GPC5: variants seen among roughly 807,000 people sequenced by gnomAD.
GPC5 encodes the protein glypican-5.
A neutral mutation model predicts 53.9 loss-of-function variants in GPC5; 47 were observed. The ratio of observed to expected loss-of-function variants is 0.87; its 90% CI spans 0.69 to 1.11. The LOEUF (loss-of-function observed/expected upper bound fraction) is 1.11, where lower values mean the gene tolerates loss of function less well. Among genes scored for constraint, GPC5 ranks in the 50% most tolerant of loss-of-function variants. The probability of loss-of-function intolerance (pLI) is 0.00; values close to 1 mark genes in which losing one functional copy is unlikely to be tolerated. For synonymous variants in GPC5, 286 were observed against 263.3 expected (o/e 1.09, Z -0.84); for missense variants, 748 against 713.1 (o/e 1.05, Z -0.56).
chr13:92,226,340 C>T (rs1005905406), intron 7 of GPC5, among the ~76,000 whole-genome samples: 1 of 152,148 alleles, frequency 6.6e-6, no homozygotes, highest in African/African-American at 2.4e-5. Context: ...AAGAGAACAA[C>T]AATCGTGTGT....
chr13:92,347,882 T>TATAATA (rs1491589093), intron 7 of GPC5, among the ~76,000 whole-genome samples: 2 of 2,336 alleles, frequency 8.6e-4, no homozygotes, highest in South Asian at 0.019. Context: ...ATAATATATA[T>TATAATA]TATATATATT....
chr13:92,595,221 T>C (rs1483050186), intron 7 of GPC5, among the ~76,000 whole-genome samples: 1 of 152,142 alleles, frequency 6.6e-6, no homozygotes, highest in Non-Finnish European at 1.5e-5. Context: ...CCCCCCTTTT[T>C]CAAAGTTTAA....
chr13:92,519,089 A>G (rs1239865842), intron 7 of GPC5, among the ~76,000 whole-genome samples: 1 of 152,246 alleles, frequency 6.6e-6, no homozygotes, highest in Non-Finnish European at 1.5e-5. Flanking sequence ...CTATCTTAAT[A>G]TATATGCACC....
At chr13:92,351,551 GA>G (rs1047617893) in intron 7 of GPC5, among the ~76,000 whole-genome samples, 3 of 151,262 alleles carry the variant, frequency 2.0e-5, no homozygotes, top group African/African-American at 7.3e-5. Context: ...TTGTAATTGA[GA>G]AAAAAAAGTT....
chr13:91,926,359 TAAAAAAAAA>T (rs34690525), intron 6 of GPC5, among the ~76,000 whole-genome samples: 6 of 96,324 alleles, frequency 6.2e-5, no homozygotes, highest in Non-Finnish European at 1.0e-4. Context: ...AGACTCCACC[TAAAAAAAAA>T]AAAAAAAAAA....
chr13:92,283,383 C>G (rs2042930807), intron 7 of GPC5, among the ~76,000 whole-genome samples: 1 of 152,140 alleles, frequency 6.6e-6, no homozygotes, highest in African/African-American at 2.4e-5. Flanking sequence ...AGCTCTGCAC[C>G]AAGGGGACCT....
intron 5 of GPC5, among the ~76,000 whole-genome samples, chr13:91,756,910 G>T (rs1361171622): frequency 6.6e-6 from 1 of 151,776 alleles, no homozygotes; most frequent in Non-Finnish European, 1.5e-5. Context: ...GAGAGAGATT[G>T]AGAAAGAGAG....
chr13:92,781,859 T>C (rs1876034378), intron 7 of GPC5, among the ~76,000 whole-genome samples: 1 of 152,194 alleles, frequency 6.6e-6, no homozygotes, highest in Admixed American at 6.6e-5. Context: ...GCCAGCCAAG[T>C]ATCAGTGAGA....
chr13:92,472,234 T>C (rs1878941707), intron 7 of GPC5, among the ~76,000 whole-genome samples: 1 of 152,084 alleles, frequency 6.6e-6, no homozygotes, highest in South Asian at 2.1e-4. Flanking sequence ...AATAATACCA[T>C]CTTAATCTTT....
chr13:91,896,592 G>A lies in GPC5; in HGVS notation c.1281-11345G>A, dbSNP rs184479923. Among the ~76,000 whole-genome samples the A allele has an allele frequency of 5.1e-3, 771 of 152,250 alleles. 6 individuals carry two copies. The highest frequency in any genetic ancestry group is 0.016 in the African/African-American group (685 of 41,570). ...AAAGGACTGAGAAAGGAGAACGGGG[G>A]AAGTATGAAGGATGAAGGGGAGATT... On this transcript the variant is annotated intron_variant, in intron 5 of 7. Transcript: ENST00000377067.
At chr13:91,756,267 T>C (rs769174130) in intron 4 of GPC5, 28 bp from the exon 5 acceptor site, 6 of 1,465,268 alleles carry the variant, frequency 4.1e-6, no homozygotes, top group Non-Finnish European at 5.5e-6. Flanking sequence ...TGTTTGGTTT[T>C]AATTGTTTTC....
chr13:92,345,786 T>C (rs2043406326), intron 7 of GPC5, among the ~76,000 whole-genome samples: 2 of 151,994 alleles, frequency 1.3e-5, no homozygotes, highest in African/African-American at 4.8e-5. Flanking sequence ...CCCACTTCAG[T>C]CTCAACTCAT....
In GPC5 at chr13:92,474,609, G is replaced by C. The variant is rs9589556; in HGVS notation, c.1561+329620G>C. On this transcript the variant is annotated intron_variant, in intron 7 of 7. Coordinates refer to ENST00000377067, the MANE Select transcript of GPC5 (RefSeq NM_004466.6). Reference sequence around the variant, plus strand: ...TGTATGGTATAATTTTTCAGACAAAGAATTAAAATTCCTAGTTGTGATGGT... The same window carrying C: ...TGTATGGTATAATTTTTCAGACAAACAATTAAAATTCCTAGTTGTGATGGT... Among the ~76,000 whole-genome samples the C allele has an allele frequency of 4.1e-3, 618 of 149,952 alleles. 1 individual carries two copies. Among genetic ancestry groups the C allele is most frequent in the African/African-American group, 0.012 (496 of 40,830 alleles).
At chr13:92,841,435 T>G (rs1878426361) in intron 7 of GPC5, among the ~76,000 whole-genome samples, 2 of 152,158 alleles carry the variant, frequency 1.3e-5, no homozygotes, top group South Asian at 4.1e-4. Context: ...CATTAGTATA[T>G]TTTTAATACT....
intron 5 of GPC5, among the ~76,000 whole-genome samples, chr13:91,854,798 G>A (rs2038949787): frequency 6.6e-6 from 1 of 151,510 alleles, no homozygotes; most frequent in South Asian, 2.1e-4. Flanking sequence ...TATTTTAAAT[G>A]AGGCTTATTT....
In GPC5 at chr13:92,096,634, A is replaced by G. The variant is rs751495093; in HGVS notation, c.1402-48196A>G. On this transcript the variant is annotated intron_variant, in intron 6 of 7. Transcript: ENST00000377067. The stretch of plus-strand genomic sequence containing the variant: ...GAAGCTTATAAAAGGGCTAATGGAA[A>G]TAGCTTAGACCCTTTATTGCTGTTC... Among the ~76,000 whole-genome samples, 101 of 152,206 alleles carry G rather than the reference A, an allele frequency of 6.6e-4. 2 individuals are homozygous for G. Among genetic ancestry groups the G allele is most frequent in the Non-Finnish European group, 2.5e-4 (17 of 68,036 alleles).
chr13:91,408,274 A>G (rs1292110817), intron 1 of GPC5, among the ~76,000 whole-genome samples: 3 of 152,090 alleles, frequency 2.0e-5, no homozygotes, highest in Admixed American at 6.5e-5. Flanking sequence ...TATGAGATCA[A>G]CCTTTTTAGA....
chr13:91,864,592 G>A (rs1292341101), intron 5 of GPC5, among the ~76,000 whole-genome samples: 2 of 152,076 alleles, frequency 1.3e-5, no homozygotes, highest in African/African-American at 4.8e-5. Context: ...TAGGGACTAT[G>A]AGCTGTGACT....
At chr13:91,556,555 G>GTATA (rs751159320) in intron 2 of GPC5, among the ~76,000 whole-genome samples, 11 of 146,590 alleles carry the variant, frequency 7.5e-5, no homozygotes, top group Non-Finnish European at 1.4e-4. Context: ...GTGTGTGTGT[G>GTATA]TATATATATA....
Sources: gnomAD v4.1 joint callset for allele counts (sites outside exome capture counted in the v4.1 genomes callset) on GRCh38, gnomAD v4.1.1 for gene constraint, MANE v1.5 for transcripts, NCBI Gene and HGNC (gene_info 2026-07-23, HGNC 2026-07-21) for gene names.